LRRC2: variants seen among roughly 807,000 people sequenced by gnomAD.
The protein encoded by LRRC2 is leucine rich repeat containing 2, also known as leucine-rich repeat-containing protein 2.
LRRC2 carries 27 observed loss-of-function variants against 40.2 expected under a neutral mutation model. That is an observed-to-expected ratio of 0.67 (90% confidence interval 0.49 to 0.93). The LOEUF is 0.93. Ranked by LOEUF, LRRC2 falls within the 40% of genes least tolerant of loss-of-function variation. LRRC2 has a pLI of 0.00. For missense variants in LRRC2, 402 were observed against 439.6 expected (o/e 0.91, Z 0.76); for synonymous variants, 147 against 158.9 (o/e 0.92, Z 0.56).
chr3:46,523,691 C>G (rs911194271), intron 7 of LRRC2, among the ~76,000 whole-genome samples: 2 of 151,958 alleles, frequency 1.3e-5, no homozygotes, highest in African/African-American at 4.8e-5. Context: ...ATCTATCCAC[C>G]CATCCATCCA....
At chr3:46,537,945 C>T (rs1704301768) in intron 4 of LRRC2, among the ~76,000 whole-genome samples, 1 of 152,232 alleles carries the variant, frequency 6.6e-6, no homozygotes, top group South Asian at 2.1e-4. Context: ...GGGAACCCAC[C>T]ACTTTTACAG....
intron 7 of LRRC2, among the ~76,000 whole-genome samples, chr3:46,527,025 TG>T (rs1704071152): frequency 6.6e-6 from 1 of 152,204 alleles, no homozygotes; most frequent in African/African-American, 2.4e-5. Context: ...TTTGCATGGA[TG>T]GTTTTTCTTA....
At chr3:46,549,107 G>A (rs1559417750) in intron 2 of LRRC2, among the ~76,000 whole-genome samples, 1 of 152,172 alleles carries the variant, frequency 6.6e-6, no homozygotes, top group Non-Finnish European at 1.5e-5. Context: ...TAATGTTTAA[G>A]TATCGGTATA....
At chr3:46,527,666 G>T in intron 6 of LRRC2, 85 bp from the exon 7 acceptor site, 2 of 1,159,696 alleles carry the variant, frequency 1.7e-6, no homozygotes, top group South Asian at 2.7e-5. Context: ...AATTCTAACA[G>T]GAAGTCCCTA....
intron 1 of LRRC2, chr3:46,557,502 A>C (rs1273799964): frequency 6.6e-6 from 1 of 152,250 alleles, no homozygotes; most frequent in Non-Finnish European, 1.5e-5. Context: ...CATGAAACCC[A>C]GTAATCTACT....
At chr3:46,522,145 C>T (rs1412160937) in intron 7 of LRRC2, among the ~76,000 whole-genome samples, 1 of 152,006 alleles carries the variant, frequency 6.6e-6, no homozygotes, top group Non-Finnish European at 1.5e-5. Flanking sequence ...GAGGCTGAGG[C>T]GGGTGGATCA....
chr3:46,537,162 G>A (rs1704284002), intron 4 of LRRC2, among the ~76,000 whole-genome samples: 1 of 152,174 alleles, frequency 6.6e-6, no homozygotes, highest in Non-Finnish European at 1.5e-5. Flanking sequence ...GTCTCACCCT[G>A]TCACCCAGGC....
intron 1 of LRRC2, among the ~76,000 whole-genome samples, chr3:46,555,331 A>G (rs545667093): frequency 9.9e-5 from 15 of 152,218 alleles, no homozygotes; most frequent in Non-Finnish European, 1.9e-4. Context: ...TAATTGATGT[A>G]TGTATGCCAT....
At position 46,529,923 on chromosome 3, in the gene LRRC2, A is replaced by G. The variant is rs761420981; in HGVS notation, c.755T>C (p.Leu252Pro). 2 of 1,614,108 alleles carry G rather than the reference A, an allele frequency of 1.2e-6. No individual in the cohort carries two copies. Among genetic ancestry groups the G allele is most frequent in the Non-Finnish European group, 1.7e-6 (2 of 1,180,012 alleles). ...TAGCTACCTGTCTATATCTTGCGGC[A>G]GGTCGGTCAGGTTATTGCTGCTGAT... The part of the protein sequence containing the change: ...LDISSNNLTD[L>P]PQDIDRLEEL... Residue 252 changes from leucine to proline, a missense_variant, in exon 6 of 9, where the codon CTG (leucine) becomes CCG (proline). Physicochemically the swap from Leu to Pro is moderately conservative, Grantham distance 98. Coordinates refer to ENST00000395905, the MANE Select transcript of LRRC2 (RefSeq NM_024512.5).
intron 7 of LRRC2, among the ~76,000 whole-genome samples, chr3:46,526,359 A>G (rs1053597653): frequency 6.6e-6 from 1 of 152,180 alleles, no homozygotes; most frequent in East Asian, 1.9e-4. Flanking sequence ...CCTGACTGCT[A>G]TGAGACATGA....
At chr3:46,541,532 C>T (rs35737208) in intron 3 of LRRC2, among the ~76,000 whole-genome samples, 30,863 of 151,966 alleles carry the variant, frequency 0.2, 3,692 homozygotes, top group Middle Eastern at 0.31. Flanking sequence ...GGAAAGGAGA[C>T]ATCAGCTGCA....
In LRRC2 at chr3:46,527,572, C is replaced by T. The variant is rs979222573; in HGVS notation, c.783G>A (p.Glu261=). The T allele has an allele frequency of 1.2e-6, 2 of 1,613,830 alleles. No individual in the cohort carries two copies. The highest frequency in any genetic ancestry group is 1.3e-5 in the African/African-American group (1 of 74,914). Residue 261 remains glutamate, a synonymous_variant, in exon 7 of 9, where the codon GAG becomes GAA. Coordinates refer to ENST00000395905, the MANE Select transcript of LRRC2 (RefSeq NM_024512.5). ...DLPQDIDRLE[E]LQSFLLYKNK... ...TTTTATACAAGAGAAAGCTCTGCAG[C>T]TCCTCTAGCCTAAGAAGAGGTAAAA...
chr3:46,537,881 T>C (rs1289419898), intron 4 of LRRC2, among the ~76,000 whole-genome samples: 2 of 152,242 alleles, frequency 1.3e-5, no homozygotes, highest in African/African-American at 4.8e-5. Context: ...GTGATGCAGA[T>C]GGCCTGGATA....
intron 1 of LRRC2, 125 bp from the exon 2 acceptor site, chr3:46,551,735 C>T (rs1704658390): frequency 9.4e-6 from 3 of 320,816 alleles, no homozygotes; most frequent in South Asian, 7.4e-5. Flanking sequence ...CTTACTACTT[C>T]AAGGATGACA....
intron 2 of LRRC2, among the ~76,000 whole-genome samples, chr3:46,546,706 A>C: frequency 6.9e-6 from 1 of 145,328 alleles, no homozygotes; most frequent in African/African-American, 2.5e-5. Flanking sequence ...CAGAAACACC[A>C]ATTTGCTCCT....
chr3:46,517,118 C>A lies in LRRC2; in HGVS notation c.*1896G>T, dbSNP rs1350272987. On this transcript the variant is annotated 3_prime_UTR_variant, in exon 9 of 9. Coordinates refer to ENST00000395905, the MANE Select transcript of LRRC2 (RefSeq NM_024512.5). ...TCATTGTTCAAGTGCTCAAGAATCACATGTGTCTGGTTTACCACGTTGGAC... is the reference window on the plus strand; with the variant it reads ...TCATTGTTCAAGTGCTCAAGAATCAAATGTGTCTGGTTTACCACGTTGGAC... 6.6e-6 allele frequency: 1 copy of A among 152,198 alleles called. No homozygotes were observed. The highest frequency in any genetic ancestry group is 2.4e-5 in the African/African-American group (1 of 41,432). 9.4% of individuals were successfully genotyped at this position (152,198 alleles called of 1,614,324 possible).
intron 4 of LRRC2, among the ~76,000 whole-genome samples, chr3:46,538,373 G>T (rs1704310675): frequency 6.6e-6 from 1 of 152,250 alleles, no homozygotes; most frequent in East Asian, 1.9e-4. Context: ...TGTGGCTCAT[G>T]CCTGTAATCC....
chr3:46,521,780 C>G, intron 7 of LRRC2, 122 bp from the exon 8 acceptor site: 1 of 885,342 alleles, frequency 1.1e-6, no homozygotes, highest in Non-Finnish European at 1.7e-6. Context: ...TCACATTTGA[C>G]CACATGATAT....
Position 46,545,113 on chromosome 3 carries a change from G to A in LRRC2, c.266C>T (p.Ser89Leu). ...IERNTLTRQS[S>L]LPKDRGKRSS... ...CCGTTTGCCTCTGTCCTTGGGAAGTGAACTCTGCCTTGTGAGAGTGTTCCT... is the reference window on the plus strand; with the variant it reads ...CCGTTTGCCTCTGTCCTTGGGAAGTAAACTCTGCCTTGTGAGAGTGTTCCT... Residue 89 changes from serine (S) to leucine (L), a missense_variant, in exon 3 of 9, where the codon TCA (serine) becomes TTA (leucine). Coordinates refer to ENST00000395905, the MANE Select transcript of LRRC2 (RefSeq NM_024512.5). The A allele has an allele frequency of 6.2e-7, 1 of 1,614,100 alleles. No individual in the cohort carries two copies. The highest frequency in any genetic ancestry group is 8.5e-7 in the Non-Finnish European group (1 of 1,180,032).
Sources: gnomAD v4.1 joint callset for allele counts (sites outside exome capture counted in the v4.1 genomes callset) on GRCh38, gnomAD v4.1.1 for gene constraint, MANE v1.5 for transcripts, NCBI Gene and HGNC (gene_info 2026-07-23, HGNC 2026-07-21) for gene names.